Variants in COL28A1 observed in about 807,000 individuals in gnomAD.
The protein encoded by COL28A1 is collagen alpha-1(XXVIII) chain.
A neutral mutation model predicts 150.2 loss-of-function variants in COL28A1; 161 were observed. The observed-to-expected ratio is 1.07, with a 90% confidence interval of 0.94 to 1.22. COL28A1 has a LOEUF of 1.22. Among genes scored for constraint, COL28A1 ranks in the 50% most tolerant of loss-of-function variants. The pLI is 0.00. For synonymous variants in COL28A1, 552 were observed against 469.7 expected (o/e 1.18, Z -2.26); for missense variants, 1,617 against 1,388.3 (o/e 1.16, Z -2.62).
intron 23 of COL28A1, among the ~76,000 whole-genome samples, chr7:7,435,794 A>G (rs1193201340): frequency 6.6e-6 from 1 of 152,170 alleles, no homozygotes; most frequent in African/African-American, 2.4e-5. Flanking sequence ...ATTGATTTTA[A>G]AAGTGCTAAT....
intron 4 of COL28A1, among the ~76,000 whole-genome samples, chr7:7,523,741 G>A (rs973073803): frequency 3.9e-5 from 6 of 152,090 alleles, no homozygotes; most frequent in Non-Finnish European, 8.8e-5. Flanking sequence ...CCTTTGCCAC[G>A]TGGTCTGGTT....
At chr7:7,361,663 C>A (rs936139409) in intron 33 of COL28A1, among the ~76,000 whole-genome samples, 1 of 152,232 alleles carries the variant, frequency 6.6e-6, no homozygotes, top group East Asian at 1.9e-4. Flanking sequence ...TGTTCATATC[C>A]TTCGCCCATT....
intron 5 of COL28A1, among the ~76,000 whole-genome samples, chr7:7,521,169 C>CAA (rs1298589479): frequency 6.6e-6 from 1 of 152,090 alleles, no homozygotes; most frequent in Non-Finnish European, 1.5e-5. Context: ...TGGAATTATA[C>CAA]AAATAAATAG....
At chr7:7,347,279 G>T in the COL28A1 span, among the ~76,000 whole-genome samples, 37 of 152,154 alleles carry the variant, frequency 2.4e-4, no homozygotes, top group Non-Finnish European at 2.5e-4. Flanking sequence ...AGCTCCCTTT[G>T]TCATTAAGCA....
chr7:7,370,880 T>C lies in COL28A1; in HGVS notation c.2911A>G (p.Thr971Ala). The C allele has an allele frequency of 1.2e-6, 2 of 1,603,230 alleles. No individual in the cohort carries two copies. Among genetic ancestry groups the C allele is most frequent in the Non-Finnish European group, 1.7e-6 (2 of 1,171,624 alleles). Residue 971 changes from threonine (T) to alanine (A), a missense_variant and splice_region_variant, in exon 33 of 35, where the codon ACC (threonine) becomes GCC (alanine). Physicochemically the swap from Thr to Ala is moderately conservative, Grantham distance 58. Coordinates refer to ENST00000399429, the MANE Select transcript of COL28A1 (RefSeq NM_001037763.3). Reference protein sequence around the residue: ...QFDDFFTLQDTLKQKLFQKIC... With the variant: ...QFDDFFTLQDALKQKLFQKIC... Reference sequence around the variant, plus strand: ...TTTTGAAACAATTTTTGCTTCAGGGTGTCTTTTAAAAAAGAAGTAGAAAAG... The same window carrying C: ...TTTTGAAACAATTTTTGCTTCAGGGCGTCTTTTAAAAAAGAAGTAGAAAAG...
chr7:7,362,514 T>A (rs981977412), intron 33 of COL28A1, among the ~76,000 whole-genome samples: 1 of 152,192 alleles, frequency 6.6e-6, no homozygotes, highest in Admixed American at 6.5e-5. Context: ...TGTGCATGCA[T>A]ACATACACAC....
chr7:7,489,898 ACT>A (rs57423848), intron 12 of COL28A1, among the ~76,000 whole-genome samples: 14,831 of 151,852 alleles, frequency 0.098, 890 homozygotes, highest in Middle Eastern at 0.21. Context: ...CTTCTCCATA[ACT>A]CTGCCAGCAT....
chr7:7,369,728 T>C (rs1314029520), intron 33 of COL28A1, among the ~76,000 whole-genome samples: 1 of 152,210 alleles, frequency 6.6e-6, no homozygotes, highest in African/African-American at 2.4e-5. Flanking sequence ...TGAATGGCCC[T>C]GAGTCCAACT....
intron 15 of COL28A1, among the ~76,000 whole-genome samples, chr7:7,462,713 G>A (rs1313262747): frequency 6.6e-6 from 1 of 152,078 alleles, no homozygotes; most frequent in African/African-American, 2.4e-5. Flanking sequence ...ACAAAAATTA[G>A]CCGGGCGTGG....
chr7:7,459,041 TA>T (rs1215025510), intron 15 of COL28A1, among the ~76,000 whole-genome samples: 1 of 152,114 alleles, frequency 6.6e-6, no homozygotes. Context: ...GTGTTATATG[TA>T]AAAGAACAGG....
chr7:7,485,334 A>T (rs557647141), intron 13 of COL28A1, among the ~76,000 whole-genome samples: 28 of 152,026 alleles, frequency 1.8e-4, no homozygotes, highest in African/African-American at 6.5e-4. Flanking sequence ...AGTTTTGAGA[A>T]TTTTTTTTAA....
intron 9 of COL28A1, among the ~76,000 whole-genome samples, chr7:7,509,557 A>T (rs1297526705): frequency 6.6e-6 from 1 of 151,982 alleles, no homozygotes; most frequent in Non-Finnish European, 1.5e-5. Flanking sequence ...TCTAAGGCAC[A>T]TTTTTTCACA....
chr7:7,500,541 T>C (rs1780461933), intron 11 of COL28A1, among the ~76,000 whole-genome samples: 1 of 152,234 alleles, frequency 6.6e-6, no homozygotes, highest in African/African-American at 2.4e-5. Flanking sequence ...GTATAATACA[T>C]GGAAGCTCAA....
In COL28A1 at chr7:7,474,581, T is replaced by A. The variant is rs1419091115; in HGVS notation, c.1302+20A>T. 1.0e-6 allele frequency: 1 copy of A among 972,134 alleles called. No individual in the cohort carries two copies. The highest frequency in any genetic ancestry group is 1.7e-6 in the Non-Finnish European group (1 of 596,168). The allele number at this position is 972,134 out of a possible 1,614,324, so 60.2% of individuals were successfully genotyped here. On this transcript the variant is annotated intron_variant, in intron 15 of 34. Transcript: ENST00000399429. Reference sequence around the variant, plus strand: ...AATTTTATTGGCATTGTTTCCAGTGTACACCCTATTATACAGTACCTTCTC... The same window carrying A: ...AATTTTATTGGCATTGTTTCCAGTGAACACCCTATTATACAGTACCTTCTC...
intron 8 of COL28A1, among the ~76,000 whole-genome samples, chr7:7,513,043 C>A (rs1455996201): frequency 6.6e-6 from 1 of 152,168 alleles, no homozygotes; most frequent in Non-Finnish European, 1.5e-5. Context: ...TATATGCTGG[C>A]GGAAGCTTTA....
chr7:7,360,587 T>C, intron 33 of COL28A1, 59 bp from the exon 34 acceptor site: 2 of 1,523,610 alleles, frequency 1.3e-6, no homozygotes, highest in African/African-American at 2.8e-5. Context: ...AAAATACTAG[T>C]TTGCTTTTGG....
chr7:7,410,673 G>C (rs1383337321), intron 27 of COL28A1, among the ~76,000 whole-genome samples: 1 of 149,646 alleles, frequency 6.7e-6, no homozygotes, highest in Non-Finnish European at 1.5e-5. Flanking sequence ...TTGTTTATTT[G>C]CAGTCAAGAA....
chr7:7,365,470 A>G (rs1230511300), intron 33 of COL28A1, among the ~76,000 whole-genome samples: 2 of 152,144 alleles, frequency 1.3e-5, no homozygotes, highest in Non-Finnish European at 2.9e-5. Flanking sequence ...TGTTATCACC[A>G]TTCTCTTTCA....
At chr7:7,359,707 T>C (rs1183895582) in intron 34 of COL28A1, among the ~76,000 whole-genome samples, 1 of 152,168 alleles carries the variant, frequency 6.6e-6, no homozygotes. Flanking sequence ...TTTTCCCAGA[T>C]TTGGGGTATG....
Sources: allele counts gnomAD v4.1 joint callset (sites outside exome capture counted in the v4.1 genomes callset), GRCh38; gene constraint gnomAD v4.1.1; transcripts MANE v1.5; gene names NCBI Gene and HGNC (gene_info 2026-07-23, HGNC 2026-07-21).